Variants in FLRT1 observed in about 807,000 individuals in gnomAD.
FLRT1 encodes fibronectin leucine rich transmembrane protein 1.
In FLRT1, 14 loss-of-function variants were observed where a neutral mutation model predicts 30.9. The observed-to-expected ratio is 0.45, with a 90% confidence interval of 0.30 to 0.71. The LOEUF is 0.71. FLRT1 is among the 30% of genes least tolerant of loss of function. The probability of loss-of-function intolerance (pLI) is 0.08; values close to 1 mark genes in which losing one functional copy is unlikely to be tolerated. For missense variants in FLRT1, 737 were observed against 949.2 expected (o/e 0.78, Z 2.94); for synonymous variants, 368 against 430.4 (o/e 0.85, Z 1.80).
In FLRT1 at chr11:64,096,462, A is replaced by T. The variant is rs1297338729; in HGVS notation, c.-1037-6732A>T. Among the ~76,000 whole-genome samples the T allele has an allele frequency of 6.6e-6, 1 of 151,074 alleles. No homozygotes were observed. The highest frequency in any genetic ancestry group is 1.5e-5 in the Non-Finnish European group (1 of 67,824). Reference sequence around the variant, plus strand: ...GAGTCTCGCTGTGCTGCCCAGGATGATGAAGTGCAGTGGTATGATCTCGGC... The same window carrying T: ...GAGTCTCGCTGTGCTGCCCAGGATGTTGAAGTGCAGTGGTATGATCTCGGC... On this transcript the variant is annotated intron_variant, in intron 1 of 2. Coordinates refer to ENST00000682287, the MANE Select transcript of FLRT1 (RefSeq NM_013280.5). This position sits in a 1 kb window ranked among gnomAD's most constrained non-coding sequence, Gnocchi z 4.6.
At position 64,041,634 on chromosome 11, in the gene FLRT1, G is replaced by A. The variant is rs549914082; in HGVS notation, c.-1038+5475G>A. ...GCAGCCAGGACCGAATGACCGCCTC[G>A]GGAGCTGGTGTGGTGGCAGTGGAGG... On this transcript the variant is annotated intron_variant, in intron 1 of 2. Transcript: ENST00000682287. 1.3e-4 allele frequency among the ~76,000 whole-genome samples: 20 copies of A among 152,254 alleles called. No homozygotes were observed. The East Asian group carries it at 2.9e-3, about 22-fold the overall frequency.
rs778646482 is a variant in FLRT1, at chr11:64,067,766, C to A, written c.-1038+31607C>A. 1.3e-5 allele frequency among the ~76,000 whole-genome samples: 2 copies of A among 152,124 alleles called. No individual in the cohort carries two copies. Among genetic ancestry groups the A allele is most frequent in the Admixed American group, 6.5e-5 (1 of 15,280 alleles). On this transcript the variant is annotated intron_variant, in intron 1 of 2. Transcript: ENST00000682287. The surrounding 1 kb of genome is among the most constrained non-coding windows in gnomAD (Gnocchi z 4.6). ...CCCCCAGCTTGTGAACTGGGGGTGG[C>A]CCCAGAGCTGTTTGTTTTCCCTGAC...
chr11:64,053,949 C>G (rs907352946), intron 1 of FLRT1, among the ~76,000 whole-genome samples: 1 of 152,148 alleles, frequency 6.6e-6, no homozygotes, highest in Non-Finnish European at 1.5e-5. Context: ...TTGCATGGCA[C>G]GGAGCTGTTC....
intron 2 of FLRT1, among the ~76,000 whole-genome samples, chr11:64,107,806 G>A (rs1057446691): frequency 6.6e-6 from 1 of 152,124 alleles, no homozygotes; most frequent in Non-Finnish European, 1.5e-5. Flanking sequence ...AGATGCCTCT[G>A]GTGGGCCTGC....
chr11:64,044,161 A>G (rs1044153906), intron 1 of FLRT1, among the ~76,000 whole-genome samples: 1 of 152,078 alleles, frequency 6.6e-6, no homozygotes, highest in African/African-American at 2.4e-5. Context: ...CCCTCAGCCT[A>G]CAACACATGA....
At chr11:64,044,171 A>G (rs1233018314) in intron 1 of FLRT1, among the ~76,000 whole-genome samples, 7 of 151,882 alleles carry the variant, frequency 4.6e-5, no homozygotes, top group African/African-American at 1.7e-4. Context: ...ACAACACATG[A>G]GAGTAATCAA....
intron 1 of FLRT1, among the ~76,000 whole-genome samples, chr11:64,043,154 A>G (rs1031350173): frequency 1.2e-4 from 19 of 152,126 alleles, no homozygotes; most frequent in Non-Finnish European, 2.9e-5. Flanking sequence ...ACGTGCTGAC[A>G]TCCCAGGGTT....
intron 1 of FLRT1, among the ~76,000 whole-genome samples, chr11:64,040,615 AGACAG>A (rs1943467003): frequency 6.6e-6 from 1 of 152,184 alleles, no homozygotes; most frequent in Non-Finnish European, 1.5e-5. Context: ...TCACCTGCGT[AGACAG>A]GTTGCCCCAG....
chr11:64,112,909 C>A, intron 2 of FLRT1, among the ~76,000 whole-genome samples: 1 of 152,202 alleles, frequency 6.6e-6, no homozygotes, highest in East Asian at 1.9e-4. Context: ...GGGTGAGTGG[C>A]AGAGACATTC....
intron 2 of FLRT1, among the ~76,000 whole-genome samples, chr11:64,114,137 T>C (rs978573118): frequency 5.4e-5 from 8 of 148,168 alleles, no homozygotes; most frequent in Non-Finnish European, 1.2e-4. Flanking sequence ...GGTGCATGCC[T>C]GAATGGATGA....
chr11:64,078,511 G>C (rs936157017), intron 1 of FLRT1, among the ~76,000 whole-genome samples: 3 of 152,236 alleles, frequency 2.0e-5, no homozygotes, highest in South Asian at 2.1e-4. Context: ...TCCCCTTGCA[G>C]CATCGGAGGG....
chr11:64,077,164 T>C (rs1446366729), intron 1 of FLRT1, among the ~76,000 whole-genome samples: 3 of 152,168 alleles, frequency 2.0e-5, no homozygotes, highest in Non-Finnish European at 4.4e-5. Context: ...GGAGAAACTG[T>C]TCTGCAGCTG....
In FLRT1 at chr11:64,035,965, C is replaced by T; in HGVS notation, c.-1232C>T. 1 of 147,764 alleles carries T rather than the reference C, an allele frequency of 6.8e-6. No homozygotes were observed. Among genetic ancestry groups the T allele is most frequent in the South Asian group, 1.9e-4 (1 of 5,158 alleles). The allele number at this position is 147,764 out of a possible 1,614,324, so 9.2% of individuals were successfully genotyped here. Reference sequence around the variant, plus strand: ...CCGCGGCTCCGCCGGGCGCCCGAGCCGGGCAGATGCGCCGCCGCGCGCCCC... The same window carrying T: ...CCGCGGCTCCGCCGGGCGCCCGAGCTGGGCAGATGCGCCGCCGCGCGCCCC... On this transcript the variant is annotated 5_prime_UTR_variant, in exon 1 of 3. Coordinates refer to ENST00000682287, the MANE Select transcript of FLRT1 (RefSeq NM_013280.5).
At chr11:64,091,137 C>A (rs1944483067) in intron 1 of FLRT1, among the ~76,000 whole-genome samples, 3 of 119,570 alleles carry the variant, frequency 2.5e-5, no homozygotes, top group Non-Finnish European at 3.4e-5. Context: ...GGGGAGGGGG[C>A]ATGGGAGGAG....
intron 1 of FLRT1, among the ~76,000 whole-genome samples, chr11:64,039,025 G>A (rs1202570794): frequency 2.6e-5 from 4 of 152,188 alleles, no homozygotes; most frequent in Admixed American, 2.0e-4. Context: ...TTCACTGTGG[G>A]CCAAGGGCTT....
At chr11:64,103,105 G>T in intron 1 of FLRT1, 89 bp from the exon 2 acceptor site, 1 of 152,496 alleles carries the variant, frequency 6.6e-6, no homozygotes, top group Non-Finnish European at 1.5e-5. Context: ...CCAAAGCAAA[G>T]GGGGCTGCAG....
At position 64,118,211 on chromosome 11, in the gene FLRT1, G is replaced by A. The variant is rs1369476273; in HGVS notation, c.1944G>A (p.Lys648=). Residue 648 remains lysine, a synonymous_variant, in exon 3 of 3, where the codon AAG becomes AAA. Transcript: ENST00000682287. ...IFPSNGSSLC[K]ATHTIGYGTT... is the part of the protein sequence containing the mutation. ...CCTCCAACGGCAGCAGCCTCTGCAA[G>A]GCCACACACACCATTGGCTACGGCA... 1.9e-6 allele frequency: 3 copies of A among 1,613,312 alleles called. No homozygotes were observed. Among genetic ancestry groups the A allele is most frequent in the Admixed American group, 3.3e-5 (2 of 60,018 alleles).
Position 64,103,946 on chromosome 11 carries a change from A to T in FLRT1, c.-285A>T, listed in dbSNP as rs1420706234. ...CATCTGAACGCCAGGAGACCAGGAT[A>T]CCGAGGCACCGGATCCCCTCTCTGT... On this transcript the variant is annotated 5_prime_UTR_variant, in exon 2 of 3. Transcript: ENST00000682287. The T allele has an allele frequency of 1.3e-5, 2 of 152,318 alleles. No individual in the cohort carries two copies. Among genetic ancestry groups the T allele is most frequent in the South Asian group, 2.1e-4 (1 of 4,826 alleles). 9.4% of individuals were successfully genotyped at this position (152,318 alleles called of 1,614,324 possible). A position where few individuals can be genotyped will look rare whatever the true frequency, so the allele number is the denominator to read the frequency against.
chr11:64,077,009 C>T (rs1197477017), intron 1 of FLRT1, among the ~76,000 whole-genome samples: 1 of 152,106 alleles, frequency 6.6e-6, no homozygotes, highest in East Asian at 1.9e-4. Context: ...TGTCGCTAGG[C>T]CCTTGAGCTG....
Sources: allele counts gnomAD v4.1 joint callset (sites outside exome capture counted in the v4.1 genomes callset), GRCh38; gene constraint gnomAD v4.1.1; non-coding constraint Gnocchi (gnomAD v3.1); transcripts MANE v1.5; gene names NCBI Gene and HGNC (gene_info 2026-07-23, HGNC 2026-07-21).